KCNJ3: variants seen among roughly 807,000 people sequenced by gnomAD.
The protein encoded by KCNJ3 is G protein-activated inward rectifier potassium channel 1.
A neutral mutation model predicts 39.2 loss-of-function variants in KCNJ3; 4 were observed. The observed-to-expected ratio is 0.10, with a 90% CI of 0.05 to 0.23. KCNJ3 has a LOEUF of 0.23. Among genes scored for constraint, KCNJ3 ranks in the 10% least tolerant of loss-of-function variants. The pLI is 1.00. For missense variants in KCNJ3, 276 were observed against 634.9 expected (o/e 0.43, Z 6.08); for synonymous variants, 230 against 237.4 (o/e 0.97, Z 0.29).
At position 154,817,869 on chromosome 2, in the gene KCNJ3, A is replaced by AAT. The variant is rs1201503614; in HGVS notation, c.920-36856_920-36855dup. Among the ~76,000 whole-genome samples the AAT allele has an allele frequency of 2.6e-5, 4 of 152,244 alleles. No homozygotes were observed. In the South Asian group the frequency reaches 6.2e-4, roughly 24 times the overall value. On this transcript the variant is annotated intron_variant, in intron 2 of 2. Coordinates refer to ENST00000295101, the MANE Select transcript of KCNJ3 (RefSeq NM_002239.4). ...TACCTTGTATAAAACCCACATCCCAAATAAGTTTTGCCTTTATCCCATTGA... is the reference window on the plus strand; with the variant it reads ...TACCTTGTATAAAACCCACATCCCAAATATAAGTTTTGCCTTTATCCCATTGA...
At chr2:154,801,876 C>T (rs1686825621) in intron 2 of KCNJ3, among the ~76,000 whole-genome samples, 1 of 152,130 alleles carries the variant, frequency 6.6e-6, no homozygotes, top group African/African-American at 2.4e-5. Context: ...ATTCACCTGC[C>T]TTGGCCTGGC....
At chr2:154,814,108 G>A (rs1032943479) in intron 2 of KCNJ3, among the ~76,000 whole-genome samples, 1 of 151,992 alleles carries the variant, frequency 6.6e-6, no homozygotes, top group Non-Finnish European at 1.5e-5. Flanking sequence ...CAACAGTTCT[G>A]TTAATATTAT....
chr2:154,718,259 ACT>A (rs1310471778), intron 2 of KCNJ3, among the ~76,000 whole-genome samples: 3 of 152,138 alleles, frequency 2.0e-5, no homozygotes, highest in Non-Finnish European at 4.4e-5. Context: ...ATAGGTCAAA[ACT>A]CAAACTTTTT....
intron 2 of KCNJ3, among the ~76,000 whole-genome samples, chr2:154,824,093 G>A (rs1687228535): frequency 6.6e-6 from 1 of 152,170 alleles, no homozygotes; most frequent in South Asian, 2.1e-4. Flanking sequence ...CTAGCACTTT[G>A]GAAGGCCGAG....
chr2:154,745,506 G>A (rs1685725549), intron 2 of KCNJ3, among the ~76,000 whole-genome samples: 2 of 151,652 alleles, frequency 1.3e-5, no homozygotes, highest in Non-Finnish European at 2.9e-5. Flanking sequence ...TATTTCTGTT[G>A]TTGTGTTTTT....
chr2:154,834,713 C>T (rs1687420061), intron 2 of KCNJ3, among the ~76,000 whole-genome samples: 1 of 151,240 alleles, frequency 6.6e-6, no homozygotes, highest in Non-Finnish European at 1.5e-5. Context: ...GGTGACAGAG[C>T]GAGACTCCAT....
intron 2 of KCNJ3, among the ~76,000 whole-genome samples, chr2:154,735,402 C>G (rs760079245): frequency 6.6e-6 from 1 of 152,076 alleles, no homozygotes; most frequent in East Asian, 1.9e-4. Flanking sequence ...GCGTGAGCCA[C>G]GGAGCCCGGC....
At chr2:154,747,661 A>T (rs1685770482) in intron 2 of KCNJ3, among the ~76,000 whole-genome samples, 1 of 152,014 alleles carries the variant, frequency 6.6e-6, no homozygotes, top group Non-Finnish European at 1.5e-5. Flanking sequence ...AGGAGAGGTT[A>T]TTGCTTTAAT....
intron 2 of KCNJ3, among the ~76,000 whole-genome samples, chr2:154,722,315 T>C (rs1685275306): frequency 6.6e-6 from 1 of 152,186 alleles, no homozygotes; most frequent in Non-Finnish European, 1.5e-5. Flanking sequence ...CAAAAACATG[T>C]ACACAGGCAG....
chr2:154,744,283 A>G (rs576240552), intron 2 of KCNJ3, among the ~76,000 whole-genome samples: 1 of 151,618 alleles, frequency 6.6e-6, no homozygotes, highest in South Asian at 2.1e-4. Context: ...TTCATGAGGG[A>G]TATTGAGGTG....
chr2:154,751,731 C>T (rs1685848482), intron 2 of KCNJ3, among the ~76,000 whole-genome samples: 1 of 151,988 alleles, frequency 6.6e-6, no homozygotes, highest in East Asian at 1.9e-4. Flanking sequence ...TGTTTTTTGA[C>T]ACTTCTGGAG....
intron 2 of KCNJ3, among the ~76,000 whole-genome samples, chr2:154,777,447 A>C (rs1308647036): frequency 6.6e-6 from 1 of 152,242 alleles, no homozygotes; most frequent in Non-Finnish European, 1.5e-5. Context: ...AACCAAAAAC[A>C]AACAGTCCTA....
At chr2:154,737,116 T>C (rs1685562104) in intron 2 of KCNJ3, among the ~76,000 whole-genome samples, 1 of 152,116 alleles carries the variant, frequency 6.6e-6, no homozygotes, top group African/African-American at 2.4e-5. Context: ...GAGGAACCAC[T>C]CAAAGGGAGT....
In KCNJ3 at chr2:154,699,513, T is replaced by C; in HGVS notation, c.702+36T>C. ...CCCGCCCCTTCCCCACCGGGAGACC[T>C]GCGTCCCCCAAACCCGCGGAGTAAC... On this transcript the variant is annotated intron_variant, in intron 1 of 2. Transcript: ENST00000295101. This position sits in a 1 kb window ranked among gnomAD's most constrained non-coding sequence, Gnocchi z 6.4. 1 of 1,524,774 alleles carries C rather than the reference T, an allele frequency of 6.6e-7. No homozygotes were observed. Among genetic ancestry groups the C allele is most frequent in the Non-Finnish European group, 8.8e-7 (1 of 1,139,434 alleles). The allele number at this position is 1,524,774 out of a possible 1,614,324, so 94.5% of individuals were successfully genotyped here.
At position 154,812,129 on chromosome 2, in the gene KCNJ3, A is replaced by G. The variant is rs1401451326; in HGVS notation, c.920-42598A>G. On this transcript the variant is annotated intron_variant, in intron 2 of 2. Transcript: ENST00000295101. ...GCATTTTAAGAGCATTGCAAAAAAT[A>G]ATTGGGTGACATTTATGTATTCCTT... 2.0e-5 allele frequency among the ~76,000 whole-genome samples: 3 copies of G among 152,328 alleles called. No homozygotes were observed. The East Asian group carries it at 5.8e-4, about 29-fold the overall frequency.
intron 2 of KCNJ3, among the ~76,000 whole-genome samples, chr2:154,848,513 T>A (rs974139436): frequency 6.6e-6 from 1 of 152,196 alleles, no homozygotes; most frequent in African/African-American, 2.4e-5. Flanking sequence ...AGTAGGAAGA[T>A]GATTCATTCA....
intron 2 of KCNJ3, among the ~76,000 whole-genome samples, chr2:154,728,158 A>C (rs1447637775): frequency 6.6e-6 from 1 of 151,944 alleles, no homozygotes; most frequent in Non-Finnish European, 1.5e-5. Flanking sequence ...ACTCTATATC[A>C]TATTGCATAT....
intron 2 of KCNJ3, among the ~76,000 whole-genome samples, chr2:154,796,564 G>A (rs1407972655): frequency 1.3e-5 from 2 of 152,098 alleles, no homozygotes; most frequent in Non-Finnish European, 2.9e-5. Flanking sequence ...AAAGAATTTA[G>A]CATTTGAGAA....
intron 2 of KCNJ3, among the ~76,000 whole-genome samples, chr2:154,814,878 G>T (rs376878478): frequency 6.6e-6 from 1 of 152,120 alleles, no homozygotes; most frequent in Non-Finnish European, 1.5e-5. Flanking sequence ...TAAGTTCTAA[G>T]TTCTAAGAAT....
Sources: allele counts gnomAD v4.1 joint callset (sites outside exome capture counted in the v4.1 genomes callset), GRCh38; gene constraint gnomAD v4.1.1; non-coding constraint Gnocchi (gnomAD v3.1); transcripts MANE v1.5; gene names NCBI Gene and HGNC (gene_info 2026-07-23, HGNC 2026-07-21).